Variants in WDR5 observed in about 807,000 individuals in gnomAD.
The protein encoded by WDR5 is WD repeat domain 5.
For synonymous variants in WDR5, 144 were observed against 161.6 expected, an observed-to-expected ratio of 0.89 and a Z score of 0.83; for missense variants, 187 against 416.9, an observed-to-expected ratio of 0.45 and a Z score of 4.80.
intron 12 of WDR5, among the ~76,000 whole-genome samples, chr9:134,156,231 A>G (rs1832735098): frequency 6.6e-6 from 1 of 152,214 alleles, no homozygotes; most frequent in African/African-American, 2.4e-5. Context: ...CCTGAGAAGC[A>G]TCTTCCATCC....
rs929895054 is a variant in WDR5 at position 134,157,281 on chromosome 9, C to T, written c.905-612C>T. Among the ~76,000 whole-genome samples the T allele has an allele frequency of 2.6e-5, 4 of 152,214 alleles. No individual in the cohort carries two copies. Among genetic ancestry groups the T allele is most frequent in the East Asian group, 1.9e-4 (1 of 5,190 alleles). ...CCTGGGCCTTCCCCTGGGTCCTCGC[C>T]GGCGTTCTGGGGTTCTTTGGTTTAC... On this transcript the variant is annotated intron_variant, in intron 13 of 13. Transcript: ENST00000358625. The surrounding 1 kb of genome is among the most constrained non-coding windows in gnomAD (Gnocchi z 5.0).
Position 134,158,082 on chromosome 9 carries a change from T to G in WDR5, c.*89T>G. The G allele has an allele frequency of 8.2e-7, 1 of 1,215,078 alleles. No individual in the cohort carries two copies. Among genetic ancestry groups the G allele is most frequent in the South Asian group, 1.2e-5 (1 of 80,072 alleles). 75.3% of individuals were successfully genotyped at this position (1,215,078 alleles called of 1,614,324 possible). A position where few individuals can be genotyped will look rare whatever the true frequency, so the allele number is the denominator to read the frequency against. ...TGTCTTGGAGGTGGTCCCCCAGATC[T>G]GCGCCTGGGGGTCAGGACAGGGCCT... On this transcript the variant is annotated 3_prime_UTR_variant, in exon 14 of 14. Transcript: ENST00000358625.
intron 8 of WDR5, among the ~76,000 whole-genome samples, chr9:134,151,617 C>T (rs879719861): frequency 9.2e-5 from 14 of 152,164 alleles, no homozygotes; most frequent in South Asian, 4.1e-4. Context: ...TTTGCATGAG[C>T]GTGGGCAGAG....
At chr9:134,155,254 G>T in intron 10 of WDR5, 86 bp from the exon 11 acceptor site, 1 of 1,434,136 alleles carries the variant, frequency 7.0e-7, no homozygotes, top group Non-Finnish European at 9.2e-7. Flanking sequence ...GCTGATGGTG[G>T]CTGTGACGTA....
chr9:134,137,966 C>T (rs1054650190), intron 1 of WDR5, among the ~76,000 whole-genome samples: 15 of 152,154 alleles, frequency 9.9e-5, no homozygotes, highest in African/African-American at 3.6e-4. Context: ...TGGTCTTGAA[C>T]TTCCTGACCT....
intron 12 of WDR5, 76 bp downstream of exon 12, chr9:134,155,843 CT>C: frequency 7.2e-7 from 1 of 1,393,722 alleles, no homozygotes; most frequent in Non-Finnish European, 1.0e-6. Context: ...TTACAGGTTG[CT>C]TTATACTCAG....
At chr9:134,153,481 G>A (rs1282551158) in intron 9 of WDR5, among the ~76,000 whole-genome samples, 2 of 152,266 alleles carry the variant, frequency 1.3e-5, no homozygotes, top group South Asian at 4.1e-4. Context: ...ATGCGGACAC[G>A]CTTGCCATCA....
At chr9:134,142,249 G>A (rs1267863785) in intron 5 of WDR5, 84 bp from the exon 6 acceptor site, 1 of 1,448,756 alleles carries the variant, frequency 6.9e-7, no homozygotes, top group Non-Finnish European at 9.6e-7. Flanking sequence ...CATGCTTTGG[G>A]ATGTCAGACA....
intron 1 of WDR5, among the ~76,000 whole-genome samples, chr9:134,138,445 A>ATTT (rs1831697393): frequency 6.6e-6 from 1 of 152,184 alleles, no homozygotes; most frequent in African/African-American, 2.4e-5. Context: ...GCCAAGGAAA[A>ATTT]TGCAGCAGTT....
intron 2 of WDR5, 39 bp from the exon 3 acceptor site, chr9:134,140,664 C>G: frequency 6.4e-7 from 1 of 1,552,038 alleles, no homozygotes; most frequent in Non-Finnish European, 8.9e-7. Flanking sequence ...GTGGAACGTA[C>G]AGTGGTGGTG....
intron 7 of WDR5, 136 bp from the exon 8 acceptor site, chr9:134,148,152 C>A: frequency 1.4e-6 from 1 of 693,380 alleles, no homozygotes; most frequent in Non-Finnish European, 2.2e-6. Context: ...GAGACTCTTT[C>A]TGAAAACAAA....
At chr9:134,136,444 C>T (rs563835191) in intron 1 of WDR5, among the ~76,000 whole-genome samples, 25 of 152,096 alleles carry the variant, frequency 1.6e-4, no homozygotes, top group African/African-American at 5.3e-4. Context: ...CCTCCGCCTC[C>T]CCGGCGGACC....
At chr9:134,141,397 G>A in intron 3 of WDR5, 113 bp from the exon 4 acceptor site, 1 of 995,164 alleles carries the variant, frequency 1.0e-6, no homozygotes, top group South Asian at 1.4e-5. Flanking sequence ...TCTGAGCCAT[G>A]TGGTTCATGC....
At chr9:134,140,843 A>G (rs1322251791) in intron 3 of WDR5, 32 bp downstream of exon 3, 5 of 1,595,634 alleles carry the variant, frequency 3.1e-6, no homozygotes, top group East Asian at 2.2e-5. Context: ...AGCTGCTGGG[A>G]GAGGCGGTCT....
At chr9:134,141,869 G>A (rs1831907578) in intron 4 of WDR5, 80 bp from the exon 5 acceptor site, 1 of 1,363,292 alleles carries the variant, frequency 7.3e-7, no homozygotes, top group African/African-American at 1.4e-5. Context: ...GAGGGCAATG[G>A]GGATGTTTGG....
rs1271388061 is a variant in WDR5 at position 134,157,907 on chromosome 9, A to G, written c.919A>G (p.Thr307Ala). The G allele has an allele frequency of 1.9e-6, 3 of 1,614,112 alleles. No individual in the cohort carries two copies. The highest frequency in any genetic ancestry group is 2.5e-6 in the Non-Finnish European group (3 of 1,179,950). Reference protein sequence around the residue: ...LQGHTDVVISTACHPTENIIA... With the variant: ...LQGHTDVVISAACHPTENIIA... ...TTTGTTTTCAGATGTCGTGATCTCA[A>G]CAGCTTGTCACCCAACAGAAAACAT... The change falls in exon 14 of 14, where the codon ACA (threonine) becomes GCA (alanine). Residue 307 changes from threonine (T) to alanine (A), a missense_variant. Coordinates refer to ENST00000358625, the MANE Select transcript of WDR5 (RefSeq NM_017588.3). The surrounding 1 kb of genome is among the most constrained non-coding windows in gnomAD (Gnocchi z 5.0).
At chr9:134,142,579 G>A (rs774427906) in intron 6 of WDR5, 57 bp from the exon 7 acceptor site, 82 of 1,595,022 alleles carry the variant, frequency 5.1e-5, no homozygotes, top group Non-Finnish European at 6.8e-5. Flanking sequence ...CTTAGGTTCT[G>A]GGGAGGTTTG....
chr9:134,144,315 C>T (rs529541379), intron 7 of WDR5, among the ~76,000 whole-genome samples: 3 of 152,354 alleles, frequency 2.0e-5, no homozygotes, highest in Admixed American at 2.0e-4. Flanking sequence ...CAGTCCGCTG[C>T]CCTCCAGGAC....
At chr9:134,152,122 C>A in intron 9 of WDR5, 93 bp downstream of exon 9, 2 of 1,466,302 alleles carry the variant, frequency 1.4e-6, no homozygotes, top group East Asian at 2.3e-5. Flanking sequence ...CTCCTCCCTC[C>A]TCTGCCCTGG....
Sources: allele counts gnomAD v4.1 joint callset (sites outside exome capture counted in the v4.1 genomes callset), GRCh38; gene constraint gnomAD v4.1.1; non-coding constraint Gnocchi (gnomAD v3.1); transcripts MANE v1.5; gene names NCBI Gene and HGNC (gene_info 2026-07-23, HGNC 2026-07-21).